DNAH11: variants seen among roughly 807,000 people sequenced by gnomAD.
DNAH11 encodes the protein axonemal beta dynein heavy chain 11.
Under a neutral mutation model 526.0 loss-of-function variants are expected in DNAH11, and 442 were observed. The ratio of observed to expected loss-of-function variants is 0.84; its 90% CI spans 0.78 to 0.91. The LOEUF (loss-of-function observed/expected upper bound fraction) is 0.91, where lower values mean the gene tolerates loss of function less well. Ranked by LOEUF, DNAH11 falls within the 40% of genes least tolerant of loss-of-function variation. The probability of loss-of-function intolerance (pLI) is 0.00; values close to 1 mark genes in which losing one functional copy is unlikely to be tolerated. For synonymous variants in DNAH11, 2,461 were observed against 1,935.9 expected, an observed-to-expected ratio of 1.27 and a Z score of -7.12; for missense variants, 6,989 against 5,448.7, an observed-to-expected ratio of 1.28 and a Z score of -8.90.
Position 21,748,710 on chromosome 7 carries a change from C to G in DNAH11, c.8641C>G (p.Leu2881Val), listed in dbSNP as rs1158720124. Reference sequence around the variant, plus strand: ...TGGCCTTGAGGTCTTTCAGATCACTCTGACCGAGGGCTATGGAATCCAGGA... The same window carrying G: ...TGGCCTTGAGGTCTTTCAGATCACTGTGACCGAGGGCTATGGAATCCAGGA... The part of the protein sequence containing the change: ...LRGLEVFQIT[L>V]TEGYGIQELR... Residue 2881 changes from leucine (L) to valine (V), a missense_variant, in exon 52 of 82, where the codon CTG becomes GTG. Leu to Val is a conservative substitution (Grantham distance 32, BLOSUM62 1). Coordinates refer to ENST00000409508, the MANE Select transcript of DNAH11 (RefSeq NM_001277115.2). 6.2e-7 allele frequency: 1 copy of G among 1,613,532 alleles called. No individual in the cohort carries two copies. Among genetic ancestry groups the G allele is most frequent in the Non-Finnish European group, 8.5e-7 (1 of 1,179,680 alleles).
intron 46 of DNAH11, among the ~76,000 whole-genome samples, 166 bp downstream of exon 46, chr7:21,736,010 A>G (rs745758205): frequency 1.6e-4 from 24 of 152,154 alleles, no homozygotes; most frequent in Non-Finnish European, 3.2e-4. Flanking sequence ...TTGTTTAAAT[A>G]TTGTTGTGAT....
chr7:21,794,065 T>G (rs1788599653), intron 61 of DNAH11, among the ~76,000 whole-genome samples: 1 of 152,246 alleles, frequency 6.6e-6, no homozygotes, highest in South Asian at 2.1e-4. Flanking sequence ...ATTCATTTTT[T>G]ACTTCAGCAA....
chr7:21,817,285 T>G (rs1186663813), intron 64 of DNAH11, among the ~76,000 whole-genome samples: 1 of 152,134 alleles, frequency 6.6e-6, no homozygotes, highest in Non-Finnish European at 1.5e-5. Flanking sequence ...ATTCAGTTAA[T>G]GTTGAATAAA....
At chr7:21,726,333 C>T (rs893223775) in intron 45 of DNAH11, among the ~76,000 whole-genome samples, 2 of 152,058 alleles carry the variant, frequency 1.3e-5, no homozygotes, top group Admixed American at 1.3e-4. Context: ...CCCCATGACC[C>T]AATCACCCCA....
chr7:21,619,936 A>ATTACT lies in DNAH11; in HGVS notation c.4378-17_4378-16insCTTTA. 6.4e-7 allele frequency: 1 copy of ATTACT among 1,568,850 alleles called. No homozygotes were observed. The highest frequency in any genetic ancestry group is 1.7e-4 in the Middle Eastern group (1 of 5,970). ...TATCAATTAAATTTTGTGCACATTAATTATATTGTTGATTACTAGGTTATT... is the reference window on the plus strand; with the variant it reads ...TATCAATTAAATTTTGTGCACATTAATTACTTTATATTGTTGATTACTAGGTTATT... On this transcript the variant is annotated intron_variant, in intron 24 of 81. Coordinates refer to ENST00000409508, the MANE Select transcript of DNAH11 (RefSeq NM_001277115.2).
At chr7:21,696,976 T>C (rs577178137) in intron 35 of DNAH11, among the ~76,000 whole-genome samples, 3 of 152,294 alleles carry the variant, frequency 2.0e-5, no homozygotes, top group African/African-American at 7.2e-5. Context: ...TCTTCTGGTG[T>C]CATGTGAAGA....
chr7:21,577,708 G>A (rs1238369340), intron 8 of DNAH11, among the ~76,000 whole-genome samples: 1 of 152,138 alleles, frequency 6.6e-6, no homozygotes, highest in East Asian at 1.9e-4. Context: ...AATGAGGCTG[G>A]AGCAGCATCA....
intron 74 of DNAH11, among the ~76,000 whole-genome samples, chr7:21,874,334 T>TTTGG (rs1554291355): frequency 1.3e-5 from 2 of 151,234 alleles, no homozygotes; most frequent in Non-Finnish European, 2.9e-5. Context: ...CATGGTTTTT[T>TTTGG]TTTGTTTTTG....
At chr7:21,574,842 T>G (rs1784023747) in intron 8 of DNAH11, among the ~76,000 whole-genome samples, 1 of 147,294 alleles carries the variant, frequency 6.8e-6, no homozygotes, top group Admixed American at 6.8e-5. Flanking sequence ...CTGAGGAGAT[T>G]ACAGGCGTGA....
At chr7:21,811,936 G>T (rs147147285) in intron 63 of DNAH11, among the ~76,000 whole-genome samples, 1 of 152,192 alleles carries the variant, frequency 6.6e-6, no homozygotes, top group East Asian at 1.9e-4. Context: ...AAAAAAGGAG[G>T]TACTCTAATA....
chr7:21,784,405 T>C (rs746190127), intron 57 of DNAH11, 22 bp from the exon 58 acceptor site: 35 of 1,569,286 alleles, frequency 2.2e-5, no homozygotes, highest in Non-Finnish European at 3.0e-5. Context: ...TACGGGTTTG[T>C]GTGCTTTTCC....
intron 41 of DNAH11, among the ~76,000 whole-genome samples, chr7:21,711,386 G>A (rs762811466): frequency 1.3e-5 from 2 of 152,142 alleles, no homozygotes; most frequent in South Asian, 4.1e-4. Flanking sequence ...GATAATTGTG[G>A]TATTTCAGAT....
intron 65 of DNAH11, among the ~76,000 whole-genome samples, chr7:21,822,900 C>G (rs1790113381): frequency 7.3e-6 from 1 of 136,140 alleles, no homozygotes; most frequent in Admixed American, 7.4e-5. Flanking sequence ...ATTTGTATGT[C>G]TTCTTTTGAG....
intron 41 of DNAH11, 130 bp downstream of exon 41, chr7:21,710,833 T>TA: frequency 2.2e-6 from 2 of 909,602 alleles, no homozygotes; most frequent in Admixed American, 7.1e-5. Flanking sequence ...ATTATTTTGA[T>TA]AAGTGTTGCT....
intron 55 of DNAH11, among the ~76,000 whole-genome samples, chr7:21,772,220 C>T (rs969240932): frequency 3.3e-5 from 5 of 152,262 alleles, no homozygotes; most frequent in South Asian, 2.1e-4. Context: ...TCAGCTCTAC[C>T]GGAAACCACT....
intron 25 of DNAH11, among the ~76,000 whole-genome samples, chr7:21,633,407 T>C (rs1273323712): frequency 6.6e-6 from 1 of 152,242 alleles, no homozygotes; most frequent in Non-Finnish European, 1.5e-5. Context: ...AAGTGGAATA[T>C]TGTTATCCCC....
At chr7:21,778,585 C>T (rs1454025240) in intron 56 of DNAH11, among the ~76,000 whole-genome samples, 2 of 152,156 alleles carry the variant, frequency 1.3e-5, no homozygotes, top group Non-Finnish European at 2.9e-5. Flanking sequence ...TCTTCCAGCT[C>T]ATCACCAAGT....
Position 21,716,212 on chromosome 7 carries a change from C to A in DNAH11, c.6984-1563C>A, listed in dbSNP as rs559390198. On this transcript the variant is annotated intron_variant, in intron 42 of 81. Coordinates refer to ENST00000409508, the MANE Select transcript of DNAH11 (RefSeq NM_001277115.2). ...TGGGTTTTGTTATATCCACCAGAAT[C>A]CAGGATGCCAACTCTTGTGCCCAAT... Among the ~76,000 whole-genome samples the A allele has an allele frequency of 4.0e-4, 61 of 152,198 alleles. 1 individual carries two copies. The highest frequency in any genetic ancestry group is 1.5e-3 in the African/African-American group (61 of 41,532).
chr7:21,824,137 C>T (rs549463783), intron 65 of DNAH11, among the ~76,000 whole-genome samples: 205 of 152,222 alleles, frequency 1.3e-3, no homozygotes, highest in Non-Finnish European at 2.6e-3. Context: ...AAAAAATGTC[C>T]TATACTAGTT....
Sources: allele counts gnomAD v4.1 joint callset (sites outside exome capture counted in the v4.1 genomes callset), GRCh38; gene constraint gnomAD v4.1.1; transcripts MANE v1.5; gene names NCBI Gene and HGNC (gene_info 2026-07-23, HGNC 2026-07-21).